The following PMS2 variants were observed in gnomAD, a reference collection of about 807,000 sequenced individuals.
PMS2 encodes the protein PMS1 homolog 2, mismatch repair system component, also known as mismatch repair endonuclease PMS2.
Under a neutral mutation model 90.0 loss-of-function variants are expected in PMS2, and 69 were observed. That is an observed-to-expected ratio of 0.77 (90% CI 0.63 to 0.94). PMS2 has a LOEUF of 0.94. Among genes scored for constraint, PMS2 ranks in the 40% least tolerant of loss-of-function variants. PMS2 has a pLI of 0.00. For missense variants in PMS2, 966 were observed against 1,040.2 expected (o/e 0.93, Z 0.98); for synonymous variants, 332 against 375.1 (o/e 0.89, Z 1.33).
chr7:6,000,179 T>C (rs1260574071), intron 5 of PMS2, among the ~76,000 whole-genome samples: 3 of 151,262 alleles, frequency 2.0e-5, no homozygotes, highest in Non-Finnish European at 4.4e-5. Flanking sequence ...GTTCGAGACC[T>C]GCCTGGGCAA....
chr7:5,982,607 G>C (rs537422823), intron 12 of PMS2, among the ~76,000 whole-genome samples: 1 of 152,174 alleles, frequency 6.6e-6, no homozygotes, highest in Non-Finnish European at 1.5e-5. Flanking sequence ...AAAGTGCTGG[G>C]ATTACAGGTG....
chr7:5,997,541 C>CTTTTG (rs1214445657), intron 6 of PMS2, 118 bp from the exon 7 acceptor site: 17 of 696,742 alleles, frequency 2.4e-5, no homozygotes, highest in South Asian at 2.2e-4. Context: ...TTAAAAGAAT[C>CTTTTG]TTTTGTTTTG....
intron 10 of PMS2, among the ~76,000 whole-genome samples, chr7:5,989,384 G>C (rs1369890095): frequency 6.6e-6 from 1 of 152,098 alleles, no homozygotes; most frequent in Non-Finnish European, 1.5e-5. Context: ...AGTGAGCTGA[G>C]ATCGCATCAT....
At chr7:6,001,813 T>C (rs1785116027) in intron 5 of PMS2, among the ~76,000 whole-genome samples, 1 of 151,400 alleles carries the variant, frequency 6.6e-6, no homozygotes, top group African/African-American at 2.4e-5. Context: ...GACAACATGG[T>C]GAAACCCCGT....
At chr7:5,997,219 A>G (rs904655981) in intron 7 of PMS2, 107 bp downstream of exon 7, 3 of 697,424 alleles carry the variant, frequency 4.3e-6, no homozygotes, top group Non-Finnish European at 7.6e-6. Context: ...GTCTCAAGAA[A>G]AAAAAAAAAA....
chr7:5,991,877 T>C, intron 9 of PMS2, 96 bp downstream of exon 9: 2 of 752,284 alleles, frequency 2.7e-6, no homozygotes, highest in Non-Finnish European at 4.8e-6. Flanking sequence ...TGACCATAAA[T>C]TGTTATCTCA....
intron 8 of PMS2, 42 bp downstream of exon 8, chr7:5,995,492 A>T (rs2128773813): frequency 8.0e-7 from 1 of 1,254,414 alleles, no homozygotes; most frequent in Non-Finnish European, 1.2e-6. Flanking sequence ...ATTAAAAGTC[A>T]AAGGCATAAA....
At position 6,003,967 on chromosome 7, in the gene PMS2, C is replaced by A. The variant is rs1458809226; in HGVS notation, c.250+5G>T. 1 of 1,574,484 alleles carries A rather than the reference C, an allele frequency of 6.4e-7. No homozygotes were observed. The highest frequency in any genetic ancestry group is 1.1e-5 in the South Asian group (1 of 90,156). Reference sequence around the variant, plus strand: ...TTATAATAGGATTAGAAAAAGTCAACTTACTTAAGCCTTCGAAGTTTTCTT... The same window carrying A: ...TTATAATAGGATTAGAAAAAGTCAAATTACTTAAGCCTTCGAAGTTTTCTT... On this transcript the variant is annotated splice_donor_5th_base_variant and intron_variant, in intron 3 of 14. Coordinates refer to ENST00000265849, the MANE Select transcript of PMS2 (RefSeq NM_000535.7).
intron 5 of PMS2, 53 bp from the exon 6 acceptor site, chr7:5,999,328 T>C: frequency 6.7e-7 from 1 of 1,495,582 alleles, no homozygotes. Flanking sequence ...ATTATAGGAA[T>C]TACACAGCTC....
chr7:5,984,122 C>T lies in PMS2; in HGVS notation c.2007-1131G>A, dbSNP rs1306480057. Among the ~76,000 whole-genome samples, 8 of 151,758 alleles carry T rather than the reference C, an allele frequency of 5.3e-5. 1 individual carries two copies. Among genetic ancestry groups the T allele is most frequent in the Admixed American group, 6.6e-5 (1 of 15,246 alleles). On this transcript the variant is annotated intron_variant, in intron 11 of 14. Transcript: ENST00000265849. ...ACCTACTCATCTGTGGGTGCATTTC[C>T]GTGAGACAGACGCTAGAGGGAGAAC...
intron 1 of PMS2, among the ~76,000 whole-genome samples, chr7:6,007,325 A>G (rs1785908714): frequency 1.3e-5 from 2 of 152,104 alleles, no homozygotes; most frequent in Non-Finnish European, 2.9e-5. Context: ...CATGTTGGCC[A>G]GGCTGGTCTC....
Position 5,989,840 on chromosome 7 carries a change from G to T in PMS2, c.1104C>A (p.Asn368Lys). 2 of 1,612,986 alleles carry T rather than the reference G, an allele frequency of 1.2e-6. No individual in the cohort carries two copies. Among genetic ancestry groups the T allele is most frequent in the Non-Finnish European group, 8.5e-7 (1 of 1,179,198 alleles). ...SLIGMFDSDV[N>K]KLNVSQQPLL... ...GTGGCTGCTGACTGACATTTAGCTT[G>T]TTGACATCACTATCAAACATTCCTA... The change falls in exon 10 of 15, where the codon AAC (asparagine) becomes AAA (lysine). Residue 368 changes from asparagine (N) to lysine (K), a missense_variant. This residue lies in a region of PMS2 where 871 missense variants were observed against 802.4 expected (regional missense o/e 1.09). Transcript: ENST00000265849.
chr7:6,005,865 T>G (rs771115581), intron 2 of PMS2, 27 bp downstream of exon 2: 1 of 1,610,658 alleles, frequency 6.2e-7, no homozygotes, highest in South Asian at 1.1e-5. Context: ...GATCATTTCT[T>G]GTGGCTTAAA....
At chr7:5,990,950 G>A (rs1004710104) in intron 9 of PMS2, among the ~76,000 whole-genome samples, 1 of 152,154 alleles carries the variant, frequency 6.6e-6, no homozygotes, top group South Asian at 2.1e-4. Context: ...AGGAATCGGA[G>A]GTTACAGTGA....
chr7:5,985,151 G>A (rs1782715089), intron 11 of PMS2, among the ~76,000 whole-genome samples: 1 of 151,822 alleles, frequency 6.6e-6, no homozygotes, highest in South Asian at 2.1e-4. Flanking sequence ...AGGCTGGAGT[G>A]CAATGGCATG....
At chr7:6,006,914 C>T (rs1360749449) in intron 1 of PMS2, among the ~76,000 whole-genome samples, 2 of 152,064 alleles carry the variant, frequency 1.3e-5, no homozygotes, top group African/African-American at 2.4e-5. Context: ...ATCCTCCACT[C>T]TATCACCAGA....
rs2128787680 is a variant in PMS2, at chr7:5,997,382, G to A, written c.747C>T (p.Asp249=). The A allele has an allele frequency of 6.2e-7, 1 of 1,603,562 alleles. No individual in the cohort carries two copies. Among genetic ancestry groups the A allele is most frequent in the Non-Finnish European group, 8.5e-7 (1 of 1,172,770 alleles). Residue 249 remains aspartate (D), a synonymous_variant, in exon 7 of 15, where the codon GAC becomes GAT. Transcript: ENST00000265849. The stretch of plus-strand genomic sequence containing the variant: ...TCAAACCGTACTCTTCACACACGGA[G>A]TCACTAGGGGGCAGCTGAACAAAAG... ...LIPFVQLPPS[D]SVCEEYGLSC...
intron 1 of PMS2, among the ~76,000 whole-genome samples, chr7:6,007,282 AT>A (rs1416231848): frequency 6.6e-6 from 1 of 151,866 alleles, no homozygotes; most frequent in Admixed American, 6.6e-5. Flanking sequence ...CACCCAGCTA[AT>A]TTTTGTGTTT....
At chr7:5,988,325 T>A (rs991000857) in intron 10 of PMS2, among the ~76,000 whole-genome samples, 5 of 152,084 alleles carry the variant, frequency 3.3e-5, no homozygotes, top group Middle Eastern at 3.4e-3. Context: ...ACGCCTGTAA[T>A]CCTAGCCCTT....
Sources: gnomAD v4.1 joint callset for allele counts (sites outside exome capture counted in the v4.1 genomes callset) on GRCh38, gnomAD v4.1.1 for gene constraint, gnomAD v4.1.1 regional missense constraint, MANE v1.5 for transcripts, NCBI Gene and HGNC (gene_info 2026-07-23, HGNC 2026-07-21) for gene names.